Variants in RYR1 observed in about 807,000 individuals in gnomAD.
RYR1 encodes central core disease of muscle.
RYR1 carries 342 observed loss-of-function variants against 583.5 expected under a neutral mutation model. The ratio of observed to expected loss-of-function variants is 0.59; its 90% CI spans 0.54 to 0.64. The LOEUF (loss-of-function observed/expected upper bound fraction) is 0.64, where lower values mean the gene tolerates loss of function less well. RYR1 is among the 30% of genes least tolerant of loss of function. The probability of loss-of-function intolerance (pLI) is 0.00; values close to 1 mark genes in which losing one functional copy is unlikely to be tolerated. For synonymous variants in RYR1, 2,791 were observed against 2,822.5 expected (o/e 0.99, Z 0.35); for missense variants, 6,032 against 6,917.2 (o/e 0.87, Z 4.54).
chr19:38,535,125 C>A lies in RYR1; in HGVS notation c.11360-16C>A, dbSNP rs1356838135. ...TCCAACTGGGTGGACCATCTTTTTT[C>A]TCCCACTCCCTCCAGGAGAGACAGG... On this transcript the variant is annotated splice_polypyrimidine_tract_variant and intron_variant, in intron 79 of 105. Coordinates refer to ENST00000359596, the MANE Select transcript of RYR1 (RefSeq NM_000540.3). The A allele has an allele frequency of 5.0e-6, 8 of 1,612,180 alleles. No individual in the cohort carries two copies. The highest frequency in any genetic ancestry group is 6.8e-6 in the Non-Finnish European group (8 of 1,179,760).
At chr19:38,440,642 G>A in intron 1 of RYR1, 103 bp from the exon 2 acceptor site, 2 of 1,414,792 alleles carry the variant, frequency 1.4e-6, no homozygotes, top group Non-Finnish European at 1.9e-6. Context: ...GTCAGTCACT[G>A]TCTTTTTCAT....
intron 13 of RYR1, among the ~76,000 whole-genome samples, chr19:38,454,528 A>G (rs1002339582): frequency 1.3e-5 from 2 of 152,238 alleles, no homozygotes. Flanking sequence ...TGACTCAACA[A>G]TATATATTAA....
intron 90 of RYR1, among the ~76,000 whole-genome samples, chr19:38,564,422 G>A (rs1973290903): frequency 6.6e-6 from 1 of 152,208 alleles, no homozygotes; most frequent in Non-Finnish European, 1.5e-5. Context: ...CTACTCAGGA[G>A]GCCGAGGCAT....
In RYR1 at chr19:38,512,022, C is replaced by T. The variant is rs748919102; in HGVS notation, c.9173-50C>T. ...GGGTGGATGTAGAGGGAGGCACTGT[C>T]CTCTGTCCTCTTAGCCATGGCATCC... On this transcript the variant is annotated intron_variant, in intron 61 of 105. Coordinates refer to ENST00000359596, the MANE Select transcript of RYR1 (RefSeq NM_000540.3). This position sits in a 1 kb window ranked among gnomAD's most constrained non-coding sequence, Gnocchi z 5.1. 2 of 1,590,940 alleles carry T rather than the reference C, an allele frequency of 1.3e-6. No homozygotes were observed. The highest frequency in any genetic ancestry group is 1.7e-6 in the Non-Finnish European group (2 of 1,165,138).
rs147441124 is a variant in RYR1 at position 38,492,573 on chromosome 19, C to T, written c.6211C>T (p.Arg2071Trp). 17 of 1,604,654 alleles carry T rather than the reference C, an allele frequency of 1.1e-5. No homozygotes were observed. In the East Asian group the frequency reaches 1.1e-4, roughly 11 times the overall value. Reference sequence around the variant, plus strand: ...CCTCATGAGCCTGTTGGAGAAAGTGCGGCTGGTGAAGAAGAAGGAAGAGAA... The same window carrying T: ...CCTCATGAGCCTGTTGGAGAAAGTGTGGCTGGTGAAGAAGAAGGAAGAGAA... The part of the protein sequence containing the change: ...SRLMSLLEKV[R>W]LVKKKEEKPE... Residue 2071 changes from arginine (R) to tryptophan (W), a missense_variant, in exon 38 of 106, where the codon CGG becomes TGG. This residue lies in a region of RYR1 where 2,627 missense variants were observed against 2,961.3 expected (regional missense o/e 0.89). Transcript: ENST00000359596.
At chr19:38,456,454 G>C in intron 16 of RYR1, among the ~76,000 whole-genome samples, 1 of 149,500 alleles carries the variant, frequency 6.7e-6, no homozygotes. Flanking sequence ...GCTAATTTTT[G>C]TAATTTTAGT....
chr19:38,524,389 G>A (rs974170069), intron 70 of RYR1, among the ~76,000 whole-genome samples: 4 of 151,926 alleles, frequency 2.6e-5, no homozygotes, highest in Non-Finnish European at 5.9e-5. Flanking sequence ...TTAGCCGTGT[G>A]ACCTTGGTTG....
intron 34 of RYR1, 49 bp downstream of exon 34, chr19:38,486,251 C>G: frequency 6.2e-7 from 1 of 1,611,538 alleles, no homozygotes. Flanking sequence ...TCCCACATTC[C>G]CAAAACTCCA....
At position 38,532,556 on chromosome 19, in the gene RYR1, C is replaced by T. The variant is rs370928637; in HGVS notation, c.11193+15C>T. The T allele has an allele frequency of 9.9e-5, 160 of 1,614,040 alleles. No individual in the cohort carries two copies. The Admixed American group carries it at 2.4e-3, about 24-fold the overall frequency. ...TCATGGCAAAGGTGAGGCCCTACCCCCCTCTTCTGGGGCAGATTTCCCTCT... is the reference window on the plus strand; with the variant it reads ...TCATGGCAAAGGTGAGGCCCTACCCTCCTCTTCTGGGGCAGATTTCCCTCT... On this transcript the variant is annotated intron_variant, in intron 77 of 105. Coordinates refer to ENST00000359596, the MANE Select transcript of RYR1 (RefSeq NM_000540.3).
At chr19:38,511,713 T>G in intron 61 of RYR1, 103 bp downstream of exon 61, 1 of 1,379,458 alleles carries the variant, frequency 7.2e-7, no homozygotes. Context: ...CCTTTGTTGT[T>G]TTCTTCCCCT....
chr19:38,486,326 C>T, intron 34 of RYR1, 124 bp downstream of exon 34: 3 of 1,158,156 alleles, frequency 2.6e-6, no homozygotes, highest in East Asian at 2.3e-5. Context: ...CTCCTCTATA[C>T]ATCCATCCAC....
intron 83 of RYR1, 198 bp downstream of exon 83, chr19:38,536,965 A>ACAGGTCCCAG (rs1971999369): frequency 3.2e-6 from 2 of 629,772 alleles, no homozygotes; most frequent in African/African-American, 3.7e-5. Flanking sequence ...AGCCACTGAG[A>ACAGGTCCCAG]ATACATGGGC....
intron 79 of RYR1, 116 bp from the exon 80 acceptor site, chr19:38,535,025 C>T (rs1971905714): frequency 2.6e-6 from 3 of 1,151,350 alleles, no homozygotes; most frequent in East Asian, 5.0e-5. Flanking sequence ...GCATGCACAC[C>T]TTGGCACACT....
At chr19:38,555,276 C>G (rs1972831199) in intron 89 of RYR1, among the ~76,000 whole-genome samples, 1 of 151,798 alleles carries the variant, frequency 6.6e-6, no homozygotes, top group South Asian at 2.1e-4. Context: ...CATGGCGAAA[C>G]CCTGTCTCCA....
intron 34 of RYR1, among the ~76,000 whole-genome samples, chr19:38,488,835 G>T (rs373905637): frequency 1.3e-5 from 2 of 152,346 alleles, no homozygotes; most frequent in African/African-American, 4.8e-5. Context: ...CTGAGAGCTG[G>T]TGTATGCTGG....
At chr19:38,577,481 AGTG>A (rs566824566) in intron 97 of RYR1, among the ~76,000 whole-genome samples, 8 of 152,030 alleles carry the variant, frequency 5.3e-5, no homozygotes, top group Non-Finnish European at 1.2e-4. Flanking sequence ...ACAGTATGTC[AGTG>A]GTGATAAATG....
At chr19:38,474,122 G>C (rs1968588070) in intron 28 of RYR1, among the ~76,000 whole-genome samples, 1 of 152,196 alleles carries the variant, frequency 6.6e-6, no homozygotes, top group Non-Finnish European at 1.5e-5. Context: ...GCACAGTAAG[G>C]TATCCCAGTG....
rs111976711 is a variant in RYR1, at chr19:38,463,525, C to A, written c.2680C>A (p.Pro894Thr). ...CATCGAGCAGGGCTGGACCTACGGC[C>A]CGGTGAGGGGCTGCCTGCAGCCTGC... The part of the protein sequence containing the change: ...TRIEQGWTYG[P>T]VRDDNKRLHP... The change falls in exon 21 of 106, where the codon CCG becomes ACG. Residue 894 changes from proline to threonine, a missense_variant and splice_region_variant. This residue lies in a region of RYR1 where 2,627 missense variants were observed against 2,961.3 expected (regional missense o/e 0.89). Coordinates refer to ENST00000359596, the MANE Select transcript of RYR1 (RefSeq NM_000540.3). The A allele has an allele frequency of 3.4e-5, 55 of 1,611,862 alleles. 3 individuals are homozygous for A. The highest frequency in any genetic ancestry group is 3.2e-4 in the African/African-American group (24 of 75,038).
intron 99 of RYR1, among the ~76,000 whole-genome samples, chr19:38,578,729 T>C (rs967794924): frequency 5.3e-5 from 8 of 152,098 alleles, no homozygotes; most frequent in Admixed American, 4.6e-4. Flanking sequence ...AGGTGGAGGC[T>C]GCAGTGAGCC....
Sources: gnomAD v4.1 joint callset for allele counts (sites outside exome capture counted in the v4.1 genomes callset) on GRCh38, gnomAD v4.1.1 for gene constraint, gnomAD v4.1.1 regional missense constraint, Gnocchi (gnomAD v3.1) non-coding constraint, MANE v1.5 for transcripts, NCBI Gene and HGNC (gene_info 2026-07-23, HGNC 2026-07-21) for gene names.